Variants in ANKRD27 observed in about 807,000 individuals in gnomAD.
ANKRD27 encodes ankyrin repeat domain 27, also known as ankyrin repeat domain-containing protein 27.
Under a neutral mutation model 129.7 loss-of-function variants are expected in ANKRD27, and 112 were observed. The observed-to-expected ratio is 0.86, with a 90% confidence interval of 0.74 to 1.01. The LOEUF (loss-of-function observed/expected upper bound fraction) is 1.01, where lower values mean the gene tolerates loss of function less well. ANKRD27 is among the 50% of genes least tolerant of loss of function. The pLI, the probability that ANKRD27 is intolerant of heterozygous loss-of-function variation, is 0.00. For synonymous variants in ANKRD27, 516 were observed against 511.2 expected (o/e 1.01, Z -0.13); for missense variants, 1,258 against 1,300.5 (o/e 0.97, Z 0.50).
At position 32,644,351 on chromosome 19, in the gene ANKRD27, C is replaced by A. The variant is rs61741421; in HGVS notation, c.499G>T (p.Glu167Ter). The A allele has an allele frequency of 1.2e-5, 20 of 1,613,372 alleles. No homozygotes were observed. Among genetic ancestry groups the A allele is most frequent in the Non-Finnish European group, 1.6e-5 (19 of 1,179,910 alleles). ...ASFHRTFRECERKSLRHHIDS... is the reference protein window; with the variant it reads ...ASFHRTFREC ...ATGTGGTGACGGAGGCTCTTTCTCT[C>A]GCATTCTCGGAATGTTCGATGGAAA... is the stretch of plus-strand genomic sequence containing the variant. The change falls in exon 5 of 29, where the codon GAG (glutamate) becomes TAG (stop). Residue 167 changes from glutamate (E) to a stop codon, truncating the protein, a stop_gained. Transcript: ENST00000306065. LOFTEE classifies it high-confidence loss of function.
intron 22 of ANKRD27, among the ~76,000 whole-genome samples, chr19:32,610,621 G>C (rs944124450): frequency 1.3e-5 from 2 of 151,796 alleles, no homozygotes; most frequent in Admixed American, 1.3e-4. Context: ...GCAAAACCCT[G>C]TCTCTACTAA....
intron 4 of ANKRD27, 115 bp downstream of exon 4, chr19:32,646,344 C>T (rs1288450472): frequency 1.3e-5 from 14 of 1,046,936 alleles, no homozygotes; most frequent in African/African-American, 3.2e-5. Context: ...GCAGGGATTA[C>T]AGGCGCGAGC....
intron 13 of ANKRD27, among the ~76,000 whole-genome samples, chr19:32,629,180 C>T (rs1031144167): frequency 2.0e-5 from 3 of 152,040 alleles, no homozygotes; most frequent in African/African-American, 7.3e-5. Flanking sequence ...CTCGGCCTCC[C>T]GAAGTGTTGG....
Position 32,613,706 on chromosome 19 carries a change from C to CTTT in ANKRD27, c.2175+1949_2175+1951dup, listed in dbSNP as rs58394462. Among the ~76,000 whole-genome samples, 371 of 132,950 alleles carry CTTT rather than the reference C, an allele frequency of 2.8e-3. 53 individuals carry two copies. The highest frequency in any genetic ancestry group is 4.6e-3 in the East Asian group (21 of 4,592). The allele number at this position is 132,950 out of a possible 152,430, so 87.2% of individuals were successfully genotyped here. On this transcript the variant is annotated intron_variant, in intron 22 of 28. Transcript: ENST00000306065. ...GTATACTGTGATTACATTTATGTAA[C>CTTT]TTTTTTTTTTTTTTTTTTTTGAGAC...
chr19:32,621,304 A>G (rs1371981254), intron 18 of ANKRD27, among the ~76,000 whole-genome samples: 1 of 152,206 alleles, frequency 6.6e-6, no homozygotes, highest in African/African-American at 2.4e-5. Flanking sequence ...CAACACACTA[A>G]GATCTCATCT....
chr19:32,664,148 T>G (rs757208083), intron 1 of ANKRD27, among the ~76,000 whole-genome samples: 5 of 151,938 alleles, frequency 3.3e-5, no homozygotes, highest in Non-Finnish European at 5.9e-5. Flanking sequence ...ATTTTCAACA[T>G]GTGACCATTA....
At chr19:32,640,899 TTTTG>T (rs751324545) in intron 10 of ANKRD27, among the ~76,000 whole-genome samples, 24 of 151,754 alleles carry the variant, frequency 1.6e-4, no homozygotes, top group Admixed American at 5.3e-4. Context: ...TGTCTCTTTT[TTTTG>T]TTTGTTTGTT....
Position 32,598,103 on chromosome 19 carries a change from T to C in ANKRD27, c.*42A>G. 6.4e-7 allele frequency: 1 copy of C among 1,565,944 alleles called. No individual in the cohort carries two copies. The highest frequency in any genetic ancestry group is 8.8e-7 in the Non-Finnish European group (1 of 1,136,994). On this transcript the variant is annotated 3_prime_UTR_variant, in exon 29 of 29. Transcript: ENST00000306065. Reference sequence around the variant, plus strand: ...TCACGCTCAGCATCATCTTGTTGCATCCTTGCTTCCTAGCAGTGGGTTCAA... The same window carrying C: ...TCACGCTCAGCATCATCTTGTTGCACCCTTGCTTCCTAGCAGTGGGTTCAA...
chr19:32,663,301 C>G (rs1967681958), intron 1 of ANKRD27, among the ~76,000 whole-genome samples: 1 of 152,136 alleles, frequency 6.6e-6, no homozygotes, highest in African/African-American at 2.4e-5. Flanking sequence ...AGTAGAGGAA[C>G]CACCCACCCA....
chr19:32,599,611 G>C, intron 28 of ANKRD27, 93 bp downstream of exon 28: 1 of 1,131,930 alleles, frequency 8.8e-7, no homozygotes, highest in Non-Finnish European at 1.3e-6. Context: ...GAATAATGAA[G>C]ATGACGATCA....
intron 3 of ANKRD27, among the ~76,000 whole-genome samples, chr19:32,648,656 T>C (rs537556752): frequency 2.0e-5 from 3 of 151,576 alleles, no homozygotes; most frequent in Admixed American, 2.0e-4. Context: ...AAAAATTAGC[T>C]GGGCATGGTG....
intron 12 of ANKRD27, among the ~76,000 whole-genome samples, chr19:32,636,734 T>C (rs1210251602): frequency 5.4e-5 from 8 of 148,644 alleles, no homozygotes; most frequent in South Asian, 2.1e-4. Flanking sequence ...TATATATATA[T>C]ATATATTTTT....
At position 32,602,088 on chromosome 19, in the gene ANKRD27, G is replaced by C; in HGVS notation, c.2694C>G (p.Ser898Arg). ...KIMELLQVVP[S>R]CVASLDDVAE... ...CCACATCATCTAATGAAGCAACACAGCTTGGTACCACCTGAAGCAATTCCA... is the reference window on the plus strand; with the variant it reads ...CCACATCATCTAATGAAGCAACACACCTTGGTACCACCTGAAGCAATTCCA... Residue 898 changes from serine (S) to arginine (R), a missense_variant, in exon 26 of 29, where the codon AGC (serine) becomes AGG (arginine). Transcript: ENST00000306065. 6.2e-7 allele frequency: 1 copy of C among 1,613,840 alleles called. No homozygotes were observed. The highest frequency in any genetic ancestry group is 8.5e-7 in the Non-Finnish European group (1 of 1,179,822).
At chr19:32,656,440 G>A (rs1349536485) in intron 2 of ANKRD27, among the ~76,000 whole-genome samples, 5 of 152,104 alleles carry the variant, frequency 3.3e-5, no homozygotes, top group Admixed American at 1.3e-4. Context: ...GTATGCACTC[G>A]CTCAGTGAAT....
At chr19:32,617,404 AG>A (rs1301972558) in intron 21 of ANKRD27, among the ~76,000 whole-genome samples, 184 bp downstream of exon 21, 7 of 152,108 alleles carry the variant, frequency 4.6e-5, no homozygotes, top group Non-Finnish European at 1.0e-4. Context: ...ATGATTAGCC[AG>A]GCATGGCCGC....
intron 17 of ANKRD27, among the ~76,000 whole-genome samples, chr19:32,625,300 T>C (rs1972071980): frequency 6.6e-6 from 1 of 151,842 alleles, no homozygotes; most frequent in Non-Finnish European, 1.5e-5. Context: ...AATGTAAAAA[T>C]TGAATATGTA....
intron 1 of ANKRD27, among the ~76,000 whole-genome samples, chr19:32,663,602 A>G (rs1006434406): frequency 6.6e-6 from 1 of 152,178 alleles, no homozygotes; most frequent in African/African-American, 2.4e-5. Flanking sequence ...ACAGGTTGAT[A>G]ATGCTACGGC....
intron 1 of ANKRD27, among the ~76,000 whole-genome samples, chr19:32,668,930 A>G (rs1038237286): frequency 6.6e-6 from 1 of 152,116 alleles, no homozygotes; most frequent in Non-Finnish European, 1.5e-5. Context: ...ACAGATGAAG[A>G]AACTGAGATG....
At chr19:32,649,609 G>T in intron 3 of ANKRD27, 73 bp downstream of exon 3, 1 of 1,015,268 alleles carries the variant, frequency 9.8e-7, no homozygotes, top group Non-Finnish European at 1.6e-6. Flanking sequence ...GGCTGAGAAC[G>T]GGACTCTCTT....
Sources: allele counts gnomAD v4.1 joint callset (sites outside exome capture counted in the v4.1 genomes callset), GRCh38; gene constraint gnomAD v4.1.1; transcripts MANE v1.5; gene names NCBI Gene and HGNC (gene_info 2026-07-23, HGNC 2026-07-21).